Variants in CLCN5 observed in about 807,000 individuals in gnomAD.
CLCN5 encodes the protein H(+)/Cl(-) exchange transporter 5.
CLCN5 carries 17 observed loss-of-function variants against 54.0 expected under a neutral mutation model. That is an observed-to-expected ratio of 0.31 (90% confidence interval 0.22 to 0.47). The LOEUF (loss-of-function observed/expected upper bound fraction) is 0.47. Ranked by LOEUF, CLCN5 falls within the 20% of genes least tolerant of loss-of-function variation. CLCN5 has a pLI of 1.00. For missense variants in CLCN5, 448 were observed against 646.7 expected (o/e 0.69, Z 3.33); for synonymous variants, 222 against 233.0 (o/e 0.95, Z 0.43).
intron 5 of CLCN5, among the ~76,000 whole-genome samples, chrX:50,071,967 GAA>G (rs1270867128): frequency 9.0e-6 from 1 of 111,602 alleles, no homozygotes; most frequent in Non-Finnish European, 1.9e-5. Context: ...TGTTGAAAAT[GAA>G]AAGAGATACA....
At chrX:50,000,983 T>G (rs1929772256) in intron 3 of CLCN5, among the ~76,000 whole-genome samples, 1 of 110,535 alleles carries the variant, frequency 9.0e-6, no homozygotes, top group Non-Finnish European at 1.9e-5. Flanking sequence ...CTCCCTTCCT[T>G]CCTCCTCACT....
chrX:50,074,757 A>G (rs1442751532), intron 6 of CLCN5, among the ~76,000 whole-genome samples: 1 of 111,988 alleles, frequency 8.9e-6, no homozygotes. Flanking sequence ...TTGTACACAC[A>G]GGGTATTTTG....
intron 3 of CLCN5, among the ~76,000 whole-genome samples, chrX:49,931,982 C>A (rs1480180876): frequency 9.0e-6 from 1 of 110,763 alleles, no homozygotes; most frequent in African/African-American, 3.3e-5. Flanking sequence ...GTGGTAGGAT[C>A]TTGGCTCACT....
chrX:50,053,094 C>A (rs1348318479), intron 4 of CLCN5, among the ~76,000 whole-genome samples: 1 of 111,253 alleles, frequency 9.0e-6, no homozygotes, highest in African/African-American at 3.3e-5. Context: ...TGTTTTGTGG[C>A]CCAGGATGTG....
chrX:50,094,294 A>C lies in CLCN5; in HGVS notation c.*2075A>C, dbSNP rs1934193677. On this transcript the variant is annotated 3_prime_UTR_variant, in exon 15 of 15. Coordinates refer to ENST00000376091, the MANE Select transcript of CLCN5 (RefSeq NM_001127898.4). ...GTATGTTGTATCATAGTAATGGCTC[A>C]GTAACCACATATTTTGTCCTTTCCA... 8.9e-6 allele frequency: 1 copy of C among 111,839 alleles called. No individual in the cohort carries two copies. The highest frequency in any genetic ancestry group is 3.8e-4 in the South Asian group (1 of 2,636). 9.2% of individuals were successfully genotyped at this position (111,839 alleles called of 1,213,427 possible).
chrX:49,989,512 A>G (rs1161082973), intron 3 of CLCN5, among the ~76,000 whole-genome samples: 1 of 112,394 alleles, frequency 8.9e-6, no homozygotes, highest in Non-Finnish European at 1.9e-5. Context: ...CCTCCAAAAG[A>G]TGTGTCTTCT....
chrX:50,008,850 C>G (rs1930341577), intron 3 of CLCN5: 1 of 338,414 alleles, frequency 3.0e-6, no homozygotes, highest in Non-Finnish European at 5.9e-6. Context: ...TCTGTAAAGT[C>G]CCTAGTAAAT....
intron 4 of CLCN5, among the ~76,000 whole-genome samples, chrX:50,056,466 G>C (rs1932751733): frequency 9.0e-6 from 1 of 111,612 alleles, no homozygotes; most frequent in South Asian, 3.8e-4. Flanking sequence ...TTTACTTTTT[G>C]TGGGGAGCCC....
intron 3 of CLCN5, among the ~76,000 whole-genome samples, chrX:50,007,432 T>A (rs1930240191): frequency 1.0e-5 from 1 of 98,955 alleles, no homozygotes; most frequent in Non-Finnish European, 2.0e-5. Flanking sequence ...TCTCTCTCTC[T>A]CTCTCTGTCA....
At chrX:49,934,493 A>G (rs1925820852) in intron 3 of CLCN5, among the ~76,000 whole-genome samples, 1 of 111,267 alleles carries the variant, frequency 9.0e-6, no homozygotes, top group Admixed American at 9.6e-5. Context: ...ACCCATGGTC[A>G]GGCCAAAGAA....
intron 3 of CLCN5, among the ~76,000 whole-genome samples, chrX:50,033,212 A>C (rs1317898943): frequency 9.0e-6 from 1 of 111,287 alleles, no homozygotes; most frequent in East Asian, 2.8e-4. Flanking sequence ...CAATTAGGAA[A>C]AGAGGAAGTC....
At chrX:50,002,384 C>G (rs1602032722) in intron 3 of CLCN5, among the ~76,000 whole-genome samples, 1 of 111,858 alleles carries the variant, frequency 8.9e-6, no homozygotes, top group Admixed American at 9.5e-5. Flanking sequence ...AACAGCATTT[C>G]CCAATTGCAT....
intron 7 of CLCN5, among the ~76,000 whole-genome samples, chrX:50,080,388 G>T (rs1363515628): frequency 1.8e-5 from 2 of 110,068 alleles, no homozygotes; most frequent in Non-Finnish European, 3.8e-5. Context: ...TCCTTTGGGT[G>T]TAGCAAAGCA....
At chrX:49,945,117 C>T (rs2147278769) in intron 3 of CLCN5, among the ~76,000 whole-genome samples, 1 of 112,080 alleles carries the variant, frequency 8.9e-6, no homozygotes, top group East Asian at 2.8e-4. Flanking sequence ...ATAGTTTATA[C>T]ATCCCTCTAT....
intron 12 of CLCN5, among the ~76,000 whole-genome samples, chrX:50,089,262 T>C (rs782610870): frequency 1.8e-4 from 20 of 112,002 alleles, no homozygotes; most frequent in Middle Eastern, 4.6e-3. Context: ...ATGCAGCCTT[T>C]AAATGTGATG....
At chrX:50,008,128 G>A (rs983028911) in intron 3 of CLCN5, among the ~76,000 whole-genome samples, 7 of 112,169 alleles carry the variant, frequency 6.2e-5, no homozygotes, top group African/African-American at 1.9e-4. Context: ...GAGAACAACT[G>A]TGCTAAACTG....
At chrX:49,999,046 C>T (rs1371907879) in intron 3 of CLCN5, among the ~76,000 whole-genome samples, 2 of 107,844 alleles carry the variant, frequency 1.9e-5, no homozygotes, top group African/African-American at 3.4e-5. Flanking sequence ...CATCCAGAGT[C>T]GAGATTGTTT....
intron 4 of CLCN5, among the ~76,000 whole-genome samples, chrX:50,058,671 C>T (rs1932804942): frequency 1.8e-5 from 2 of 111,479 alleles, no homozygotes; most frequent in Non-Finnish European, 3.8e-5. Flanking sequence ...TATGTTTTTC[C>T]TGGACTCAGG....
At chrX:50,079,905 T>A (rs919541551) in intron 7 of CLCN5, among the ~76,000 whole-genome samples, 27 of 111,129 alleles carry the variant, frequency 2.4e-4, no homozygotes, top group Non-Finnish European at 4.1e-4. Context: ...TACTAAAAAT[T>A]TGCTAAGAGT....
Sources: gnomAD v4.1 joint callset for allele counts (sites outside exome capture counted in the v4.1 genomes callset) on GRCh38, gnomAD v4.1.1 for gene constraint, MANE v1.5 for transcripts, NCBI Gene and HGNC (gene_info 2026-07-23, HGNC 2026-07-21) for gene names.